FGF14: variants seen among roughly 807,000 people sequenced by gnomAD.
FGF14 encodes fibroblast growth factor 14.
A neutral mutation model predicts 25.5 loss-of-function variants in FGF14; 5 were observed. The observed-to-expected ratio is 0.20, with a 90% CI of 0.10 to 0.41. The LOEUF is 0.41. FGF14 is among the 10% of genes least tolerant of loss of function. The probability of loss-of-function intolerance (pLI) is 1.00; values close to 1 mark genes in which losing one functional copy is unlikely to be tolerated. For missense variants in FGF14, 222 were observed against 320.1 expected (o/e 0.69, Z 2.34); for synonymous variants, 138 against 118.3 (o/e 1.17, Z -1.08).
intron 1 of FGF14, among the ~76,000 whole-genome samples, chr13:102,189,985 C>T (rs1191706148): frequency 6.6e-6 from 1 of 152,088 alleles, no homozygotes; most frequent in Admixed American, 6.5e-5. Flanking sequence ...GACTCAAACA[C>T]CTCCCACTAG....
At chr13:101,875,444 C>T in intron 1 of FGF14, 148 bp from the exon 2 acceptor site, 1 of 672,252 alleles carries the variant, frequency 1.5e-6, no homozygotes, top group Non-Finnish European at 2.7e-6. Context: ...TGTGTTTTAT[C>T]AAACCTGCAG....
intron 1 of FGF14, among the ~76,000 whole-genome samples, chr13:102,164,142 G>A (rs570756648): frequency 6.6e-6 from 1 of 152,238 alleles, no homozygotes; most frequent in East Asian, 1.9e-4. Flanking sequence ...TAACAGAGCT[G>A]TAGCCAAGTC....
At chr13:102,251,600 A>T (rs1025447899) in intron 1 of FGF14, among the ~76,000 whole-genome samples, 9 of 152,184 alleles carry the variant, frequency 5.9e-5, no homozygotes, top group African/African-American at 2.2e-4. Context: ...TCCAGTAGAG[A>T]TGCCAGCCAT....
At chr13:102,346,642 A>G (rs1419882649) in intron 1 of FGF14, among the ~76,000 whole-genome samples, 1 of 152,116 alleles carries the variant, frequency 6.6e-6, no homozygotes, top group East Asian at 1.9e-4. Context: ...TACACATAAC[A>G]TATGCATATA....
chr13:101,817,274 T>C (rs1053023111), intron 3 of FGF14, among the ~76,000 whole-genome samples: 1 of 150,722 alleles, frequency 6.6e-6, no homozygotes, highest in Non-Finnish European at 1.5e-5. Flanking sequence ...TCTTTTTCCT[T>C]TTTTTTTCTC....
chr13:101,878,422 A>G (rs1175931732), intron 1 of FGF14, among the ~76,000 whole-genome samples: 1 of 152,158 alleles, frequency 6.6e-6, no homozygotes, highest in Non-Finnish European at 1.5e-5. Flanking sequence ...TGGTAATTTT[A>G]TGGTATCATA....
At chr13:102,000,009 G>A (rs1453382238) in intron 1 of FGF14, among the ~76,000 whole-genome samples, 1 of 152,122 alleles carries the variant, frequency 6.6e-6, no homozygotes, top group African/African-American at 2.4e-5. Context: ...CTGAAGCTCA[G>A]TATATCCATT....
At chr13:102,339,123 G>C (rs1395073224) in intron 1 of FGF14, among the ~76,000 whole-genome samples, 1 of 151,926 alleles carries the variant, frequency 6.6e-6, no homozygotes, top group Admixed American at 6.6e-5. Context: ...ATTCTTGAGG[G>C]TGTGAACACC....
intron 1 of FGF14, among the ~76,000 whole-genome samples, chr13:102,109,553 A>T (rs1375277406): frequency 6.6e-6 from 1 of 152,292 alleles, no homozygotes; most frequent in East Asian, 1.9e-4. Flanking sequence ...TCAATAAAAA[A>T]TAATATAATC....
intron 1 of FGF14, among the ~76,000 whole-genome samples, chr13:102,307,339 C>T (rs556027535): frequency 6.6e-6 from 1 of 152,248 alleles, no homozygotes; most frequent in East Asian, 1.9e-4. Flanking sequence ...GACTTCTGAC[C>T]TGCAGAACTG....
At chr13:102,328,745 T>C (rs1470501653) in intron 1 of FGF14, among the ~76,000 whole-genome samples, 1 of 152,228 alleles carries the variant, frequency 6.6e-6, no homozygotes, top group African/African-American at 2.4e-5. Context: ...ATTATACATG[T>C]ATAAATTAAG....
At chr13:102,229,504 G>C (rs939344407) in intron 1 of FGF14, among the ~76,000 whole-genome samples, 1 of 152,160 alleles carries the variant, frequency 6.6e-6, no homozygotes, top group African/African-American at 2.4e-5. Flanking sequence ...CTACTGGTAA[G>C]GGTAGGTATA....
intron 1 of FGF14, among the ~76,000 whole-genome samples, chr13:101,883,543 A>T (rs2045826738): frequency 6.6e-6 from 1 of 152,182 alleles, no homozygotes; most frequent in South Asian, 2.1e-4. Flanking sequence ...TGTCCACATC[A>T]TCATTAAACC....
intron 2 of FGF14, among the ~76,000 whole-genome samples, 157 bp downstream of exon 2, chr13:101,875,029 G>A (rs1276308335): frequency 3.3e-5 from 5 of 152,012 alleles, no homozygotes; most frequent in Admixed American, 6.6e-5. Context: ...TTTCATCCAC[G>A]TAGTTTAAAT....
At chr13:102,243,450 T>C (rs1056985312) in intron 1 of FGF14, among the ~76,000 whole-genome samples, 2 of 152,016 alleles carry the variant, frequency 1.3e-5, no homozygotes, top group African/African-American at 2.4e-5. Flanking sequence ...GTGATAAATA[T>C]CTAAGCCCGA....
At chr13:102,365,571 G>T (rs75032606) in intron 1 of FGF14, among the ~76,000 whole-genome samples, 4 of 151,992 alleles carry the variant, frequency 2.6e-5, no homozygotes, top group African/African-American at 9.7e-5. Context: ...AAACTTTTGC[G>T]TTATCTTTGA....
chr13:102,161,633 A>AGAAGAAGAAGAAGAAGAAGAAGAG, intron 1 of FGF14, among the ~76,000 whole-genome samples: 1 of 8,676 alleles, frequency 1.2e-4, no homozygotes, highest in South Asian at 5.8e-3. Context: ...AAGAAGAAGA[A>AGAAGAAGAAGAAGAAGAAGAAGAG]GAAGAAGAAG....
intron 1 of FGF14, among the ~76,000 whole-genome samples, chr13:101,956,644 G>A (rs1012967968): frequency 2.6e-5 from 4 of 151,662 alleles, no homozygotes; most frequent in Admixed American, 2.6e-4. Context: ...ATATCCACAA[G>A]CTATTTAAGT....
rs1443910820 is a variant in FGF14, at chr13:101,837,802, A to G, written c.408+30923T>C. On this transcript the variant is annotated intron_variant, in intron 3 of 4. Transcript: ENST00000376143. ...CAACTTGATTGGATTGAAGGATGCA[A>G]AGTAGTGCTCCTGGGTGTGTCTGTG... 2.0e-5 allele frequency among the ~76,000 whole-genome samples: 3 copies of G among 152,000 alleles called. No individual in the cohort carries two copies. In the East Asian group the frequency reaches 5.8e-4, roughly 29 times the overall value.
Sources: gnomAD v4.1 joint callset for allele counts (sites outside exome capture counted in the v4.1 genomes callset) on GRCh38, gnomAD v4.1.1 for gene constraint, MANE v1.5 for transcripts, NCBI Gene and HGNC (gene_info 2026-07-23, HGNC 2026-07-21) for gene names.